Variants in PKD1L3 observed in about 807,000 individuals in gnomAD.
The protein encoded by PKD1L3 is polycystin 1 like 3, transient receptor potential channel interacting.
In PKD1L3, 239 loss-of-function variants were observed where a neutral mutation model predicts 184.1. That is an observed-to-expected ratio of 1.30 (90% CI 1.17 to 1.45). PKD1L3 has a LOEUF of 1.45. Among genes scored for constraint, PKD1L3 ranks in the 40% most tolerant of loss-of-function variants. The probability of loss-of-function intolerance (pLI) is 0.00; values close to 1 mark genes in which losing one functional copy is unlikely to be tolerated. For synonymous variants in PKD1L3, 996 were observed against 778.8 expected, an observed-to-expected ratio of 1.28 and a Z score of -4.64; for missense variants, 2,660 against 2,067.2, an observed-to-expected ratio of 1.29 and a Z score of -5.56.
At chr16:71,937,219 G>C in intron 25 of PKD1L3, 73 bp downstream of exon 25, 1 of 1,445,822 alleles carries the variant, frequency 6.9e-7, no homozygotes, top group Non-Finnish European at 9.3e-7. Context: ...CCACACCTGG[G>C]TAATTTTTGT....
chr16:71,952,656 G>A (rs1232880248), intron 18 of PKD1L3, among the ~76,000 whole-genome samples: 1 of 113,142 alleles, frequency 8.8e-6, no homozygotes, highest in Non-Finnish European at 1.9e-5. Flanking sequence ...GTAACATGGT[G>A]AAACCCTGTC....
chr16:71,948,803 T>TTAAA (rs540911511), intron 21 of PKD1L3, among the ~76,000 whole-genome samples: 2 of 81,206 alleles, frequency 2.5e-5, no homozygotes, highest in African/African-American at 9.4e-5. Flanking sequence ...TTACATATAG[T>TTAAA]AAAAAAAAAA....
intron 12 of PKD1L3, 94 bp from the exon 13 acceptor site, chr16:71,970,199 A>T (rs2143618590): frequency 2.0e-6 from 2 of 986,394 alleles, no homozygotes; most frequent in South Asian, 1.6e-5. Flanking sequence ...AGATGGAAAG[A>T]GGTATCTGGT....
At chr16:71,938,268 G>C (rs1200894094) in intron 24 of PKD1L3, among the ~76,000 whole-genome samples, 2 of 152,272 alleles carry the variant, frequency 1.3e-5, no homozygotes, top group Non-Finnish European at 2.9e-5. Flanking sequence ...GCTTGGGGCA[G>C]TGCTGACAAG....
intron 4 of PKD1L3, among the ~76,000 whole-genome samples, chr16:71,988,089 G>A (rs1166299562): frequency 2.0e-5 from 3 of 148,366 alleles, no homozygotes; most frequent in Non-Finnish European, 3.0e-5. Context: ...TTGTTTTCAC[G>A]GATCCTTCTG....
chr16:71,931,931 A>T (rs1347536326), intron 28 of PKD1L3, among the ~76,000 whole-genome samples: 1 of 152,174 alleles, frequency 6.6e-6, no homozygotes, highest in Admixed American at 6.5e-5. Flanking sequence ...TCTCGCTCAG[A>T]GGGCAGTGGG....
chr16:71,930,030 A>G, intron 29 of PKD1L3, 22 bp downstream of exon 29: 7 of 1,542,298 alleles, frequency 4.5e-6, no homozygotes, highest in Middle Eastern at 1.7e-4. Flanking sequence ...ACAGCATGCT[A>G]GTTTATCTTT....
At chr16:71,994,373 T>C (rs2040704747) in intron 2 of PKD1L3, among the ~76,000 whole-genome samples, 2 of 152,166 alleles carry the variant, frequency 1.3e-5, no homozygotes. Context: ...CAAAGCAATT[T>C]AGAGTCCTTC....
rs2038819043 is a variant in PKD1L3, at chr16:71,951,201, G to A, written c.3190+363C>T. Among the ~76,000 whole-genome samples, 3 of 151,760 alleles carry A rather than the reference G, an allele frequency of 2.0e-5. No homozygotes were observed. The Middle Eastern group carries it at 0.01, about 523-fold the overall frequency. On this transcript the variant is annotated intron_variant, in intron 19 of 29. Coordinates refer to ENST00000620267, the MANE Select transcript of PKD1L3 (RefSeq NM_181536.2). ...ATTACAGGCGCCCGCCACTACACCT[G>A]GCTAATTTTTGTATTTTTAGTAGAG...
intron 11 of PKD1L3, among the ~76,000 whole-genome samples, chr16:71,974,609 A>G (rs555511366): frequency 1.4e-3 from 211 of 152,322 alleles, no homozygotes; most frequent in South Asian, 5.2e-3. Context: ...GCTTGAGCCC[A>G]GGAGGCGGAG....
chr16:71,969,562 C>G (rs2039632395), intron 13 of PKD1L3, among the ~76,000 whole-genome samples: 1 of 151,166 alleles, frequency 6.6e-6, no homozygotes, highest in South Asian at 2.1e-4. Flanking sequence ...TCCTCCTGCC[C>G]TGGCCTCCCC....
rs1013108659 is a variant in PKD1L3, at chr16:72,000,046, T to C, written c.-68A>G. The C allele has an allele frequency of 5.8e-6, 7 of 1,210,654 alleles. No individual in the cohort carries two copies. Among genetic ancestry groups the C allele is most frequent in the Non-Finnish European group, 6.7e-6 (6 of 893,370 alleles). The allele number at this position is 1,210,654 out of a possible 1,614,324, so 75.0% of individuals were successfully genotyped here. On this transcript the variant is annotated 5_prime_UTR_variant, in exon 1 of 30. Coordinates refer to ENST00000620267, the MANE Select transcript of PKD1L3 (RefSeq NM_181536.2). The stretch of plus-strand genomic sequence containing the variant: ...CTGCCTGGTCCTTTAAATATATATA[T>C]TGGCGGGCTTGTCTTATTAGTATTA...
chr16:71,973,216 C>T (rs985174531), intron 12 of PKD1L3, 108 bp downstream of exon 12: 3 of 1,309,738 alleles, frequency 2.3e-6, no homozygotes, highest in African/African-American at 3.0e-5. Context: ...TATTTCAAAC[C>T]ACCTGATTAT....
chr16:71,944,072 A>G lies in PKD1L3; in HGVS notation c.3817T>C (p.Leu1273=). Residue 1273 remains leucine, a synonymous_variant, in exon 23 of 30, where the codon TTG becomes CTG. Transcript: ENST00000620267. ...AGCTTGAAGAGTTTCTTCTTTTTCA[A>G]GGTTCTTTCTGGGTGCTTAGTTGGA... is the stretch of plus-strand genomic sequence containing the variant. ...NSPTKHPERT[L]KKKKLFKLTG... is the part of the protein sequence containing the mutation. 6.4e-7 allele frequency: 1 copy of G among 1,552,004 alleles called. No homozygotes were observed. Among genetic ancestry groups the G allele is most frequent in the Non-Finnish European group, 8.7e-7 (1 of 1,147,046 alleles).
At chr16:71,991,441 A>G (rs2040586402) in intron 3 of PKD1L3, 1 of 154,002 alleles carries the variant, frequency 6.5e-6, no homozygotes. Context: ...AAACGATATC[A>G]AAGGATTTCA....
intron 4 of PKD1L3, 38 bp from the exon 5 acceptor site, chr16:71,986,507 T>C: frequency 6.6e-7 from 1 of 1,523,660 alleles, no homozygotes; most frequent in Non-Finnish European, 8.8e-7. Flanking sequence ...AGACTGAATC[T>C]GATTTTACCA....
chr16:71,950,551 C>T (rs897068003), intron 19 of PKD1L3, among the ~76,000 whole-genome samples: 26 of 152,022 alleles, frequency 1.7e-4, no homozygotes, highest in Admixed American at 1.7e-3. Flanking sequence ...GAGTTCTTCA[C>T]CAGAATGGCA....
chr16:71,983,725 GGC>G (rs1207710774), intron 6 of PKD1L3, among the ~76,000 whole-genome samples: 2 of 140,660 alleles, frequency 1.4e-5, no homozygotes, highest in Non-Finnish European at 3.0e-5. Flanking sequence ...GGAGTGGAGT[GGC>G]GGGATCTTGG....
chr16:71,937,035 C>A (rs147302652), intron 25 of PKD1L3, among the ~76,000 whole-genome samples: 1 of 152,262 alleles, frequency 6.6e-6, no homozygotes, highest in Admixed American at 6.5e-5. Flanking sequence ...ACCTTTATTT[C>A]TCACATCTAA....
Sources: allele counts gnomAD v4.1 joint callset (sites outside exome capture counted in the v4.1 genomes callset), GRCh38; gene constraint gnomAD v4.1.1; transcripts MANE v1.5; gene names NCBI Gene and HGNC (gene_info 2026-07-23, HGNC 2026-07-21).